FAAH2: variants seen among roughly 807,000 people sequenced by gnomAD.
FAAH2 encodes the protein fatty acid amide hydrolase 2.
In FAAH2, 60 loss-of-function variants were observed where a neutral mutation model predicts 36.9. That is an observed-to-expected ratio of 1.63 (90% CI 1.32 to 2.02). The LOEUF is 2.02. FAAH2 is among the 30% of genes most tolerant of loss of function. The pLI, the probability that FAAH2 is intolerant of heterozygous loss-of-function variation, is 0.00. For missense variants in FAAH2, 689 were observed against 397.5 expected, an observed-to-expected ratio of 1.73 and a Z score of -6.23; for synonymous variants, 214 against 143.8, an observed-to-expected ratio of 1.49 and a Z score of -3.49.
the FAAH2 span, among the ~76,000 whole-genome samples, chrX:57,257,851 T>A: frequency 9.0e-6 from 1 of 111,515 alleles, no homozygotes; most frequent in Middle Eastern, 4.2e-3. Context: ...ATATATCTTG[T>A]GGTTCATGGA....
At chrX:57,227,482 A>G in the FAAH2 span, among the ~76,000 whole-genome samples, 133 of 111,327 alleles carry the variant, frequency 1.2e-3, no homozygotes, top group African/African-American at 4.3e-3. Context: ...TTATCTGCAC[A>G]GAGTCCTGTG....
the FAAH2 span, among the ~76,000 whole-genome samples, chrX:57,215,364 G>C: frequency 8.9e-6 from 1 of 111,868 alleles, no homozygotes; most frequent in African/African-American, 3.2e-5. Context: ...TACACTGTTG[G>C]TGGGAATGTA....
At chrX:57,197,312 C>T in the FAAH2 span, among the ~76,000 whole-genome samples, 1 of 111,498 alleles carries the variant, frequency 9.0e-6, no homozygotes, top group African/African-American at 3.3e-5. Flanking sequence ...TGGTTTTCAC[C>T]TTTCTGTGAT....
the FAAH2 span, among the ~76,000 whole-genome samples, chrX:57,177,529 C>T: frequency 1.1e-5 from 1 of 91,643 alleles, no homozygotes; most frequent in Non-Finnish European, 2.1e-5. Flanking sequence ...TGGGTCGGTT[C>T]GGGAGCAACA....
chrX:57,203,275 T>C, the FAAH2 span, among the ~76,000 whole-genome samples: 1 of 112,513 alleles, frequency 8.9e-6, no homozygotes, highest in Admixed American at 9.4e-5. Context: ...GGATGGGCTC[T>C]GGCTAGTTAT....
the FAAH2 span, among the ~76,000 whole-genome samples, chrX:57,158,787 T>C: frequency 8.9e-6 from 1 of 112,216 alleles, no homozygotes; most frequent in Non-Finnish European, 1.9e-5. Flanking sequence ...TCTCCCATTC[T>C]GCAGGTTGCC....
the FAAH2 span, among the ~76,000 whole-genome samples, chrX:57,234,369 C>T: frequency 9.0e-6 from 1 of 111,690 alleles, no homozygotes; most frequent in Middle Eastern, 4.6e-3. Flanking sequence ...CACTTTTAAA[C>T]TATTTATTAT....
At chrX:57,233,386 T>C in the FAAH2 span, among the ~76,000 whole-genome samples, 11 of 112,133 alleles carry the variant, frequency 9.8e-5, no homozygotes, top group African/African-American at 3.6e-4. Flanking sequence ...ACTGTCATTG[T>C]GGTTTCTGAA....
In FAAH2 at chrX:57,441,239, T is replaced by C. The variant is rs141232629; in HGVS notation, c.1117-5689T>C. Reference sequence around the variant, plus strand: ...GGCTATGAATCTGTCTGGTTCTGGATTTTTTTTGTTGGTAGGCTAATTATT... The same window carrying C: ...GGCTATGAATCTGTCTGGTTCTGGACTTTTTTTGTTGGTAGGCTAATTATT... On this transcript the variant is annotated intron_variant, in intron 8 of 10. Coordinates refer to ENST00000374900, the MANE Select transcript of FAAH2 (RefSeq NM_174912.4). Among the ~76,000 whole-genome samples the C allele has an allele frequency of 1.9e-3, 211 of 111,034 alleles. 4 individuals are homozygous for C. In the East Asian group the frequency reaches 0.036, roughly 19 times the overall value.
chrX:57,205,769 C>T, the FAAH2 span, among the ~76,000 whole-genome samples: 1 of 112,076 alleles, frequency 8.9e-6, no homozygotes, highest in Non-Finnish European at 1.9e-5. Flanking sequence ...GAAACAGTTT[C>T]GTTTTAGGAA....
the FAAH2 span, among the ~76,000 whole-genome samples, chrX:57,251,063 G>A: frequency 0.37 from 40,389 of 110,529 alleles, 6,310 homozygotes; most frequent in Middle Eastern, 0.62. Flanking sequence ...AGAAAATATA[G>A]GTGAATATCC....
intron 5 of FAAH2, among the ~76,000 whole-genome samples, chrX:57,352,039 TATATATATGTGTATATATATATATATAC>T (rs2054016092): frequency 4.9e-5 from 1 of 20,254 alleles, no homozygotes; most frequent in South Asian, 3.9e-3. Context: ...TATATATACA[TATATATATGTGTATATATATATATATAC>T]ACATATATAT....
At chrX:57,360,088 C>T (rs1421698523) in intron 5 of FAAH2, among the ~76,000 whole-genome samples, 2 of 109,299 alleles carry the variant, frequency 1.8e-5, no homozygotes, top group African/African-American at 6.6e-5. Context: ...CAGTGAGTAG[C>T]TATTCTCCTG....
At chrX:57,175,804 T>C in the FAAH2 span, among the ~76,000 whole-genome samples, 1 of 111,594 alleles carries the variant, frequency 9.0e-6, no homozygotes, top group Non-Finnish European at 1.9e-5. Flanking sequence ...GTCTGAAAAA[T>C]ACTTTATTTC....
intron 10 of FAAH2, among the ~76,000 whole-genome samples, chrX:57,451,435 A>C (rs1331360860): frequency 8.9e-6 from 1 of 112,243 alleles, no homozygotes; most frequent in Non-Finnish European, 1.9e-5. Flanking sequence ...AATCAGATAC[A>C]TTCCATGCTC....
At chrX:57,375,448 G>T (rs1281320884) in intron 5 of FAAH2, among the ~76,000 whole-genome samples, 1 of 101,585 alleles carries the variant, frequency 9.8e-6, no homozygotes, top group African/African-American at 3.7e-5. Context: ...CCTCATTTAA[G>T]CTGGGAGAGT....
chrX:57,184,120 A>G, the FAAH2 span, among the ~76,000 whole-genome samples: 1 of 111,208 alleles, frequency 9.0e-6, no homozygotes, highest in Non-Finnish European at 1.9e-5. Flanking sequence ...AAGACAATAC[A>G]TGCACCACTG....
intron 10 of FAAH2, among the ~76,000 whole-genome samples, chrX:57,469,799 C>A (rs1192253117): frequency 8.9e-6 from 1 of 111,771 alleles, no homozygotes. Flanking sequence ...AATATACATT[C>A]TTCGCAGCAC....
chrX:57,480,504 T>G (rs1487222607), intron 10 of FAAH2, among the ~76,000 whole-genome samples: 3 of 111,528 alleles, frequency 2.7e-5, no homozygotes, highest in Non-Finnish European at 5.6e-5. Flanking sequence ...GAAGCTTAGT[T>G]TGTTTGGATG....
Sources: gnomAD v4.1 joint callset for allele counts (sites outside exome capture counted in the v4.1 genomes callset) on GRCh38, gnomAD v4.1.1 for gene constraint, MANE v1.5 for transcripts, NCBI Gene and HGNC (gene_info 2026-07-23, HGNC 2026-07-21) for gene names.